Variants in SYNE2 observed in about 807,000 individuals in gnomAD.
The protein encoded by SYNE2 is spectrin repeat containing nuclear envelope protein 2, also known as nesprin-2.
In SYNE2, 431 loss-of-function variants were observed where a neutral mutation model predicts 856.3. The ratio of observed to expected loss-of-function variants is 0.50; its 90% CI spans 0.47 to 0.55. The LOEUF (loss-of-function observed/expected upper bound fraction) is 0.55. SYNE2 is among the 20% of genes least tolerant of loss of function. The pLI, the probability that SYNE2 is intolerant of heterozygous loss-of-function variation, is 0.00. For synonymous variants in SYNE2, 2,923 were observed against 2,872.3 expected, an observed-to-expected ratio of 1.02 and a Z score of -0.56; for missense variants, 8,129 against 8,023.2, an observed-to-expected ratio of 1.01 and a Z score of -0.50.
rs981474902 is a variant in SYNE2 at position 64,003,178 on chromosome 14, C to G, written c.4245C>G (p.Gly1415=). ...AFSIKLSETH[G]YGVQEEFTEE... Reference sequence around the variant, plus strand: ...CAATAAAGTTATCTGAGACACATGGCTATGGGGTACAGGAGGAATTCACTG... The same window carrying G: ...CAATAAAGTTATCTGAGACACATGGGTATGGGGTACAGGAGGAATTCACTG... Residue 1415 remains glycine (G), a synonymous_variant, in exon 30 of 116, where the codon GGC becomes GGG. Coordinates refer to ENST00000555002, the MANE Select transcript of SYNE2 (RefSeq NM_182914.3). 1 of 1,614,086 alleles carries G rather than the reference C, an allele frequency of 6.2e-7. No individual in the cohort carries two copies. Among genetic ancestry groups the G allele is most frequent in the Middle Eastern group, 1.6e-4 (1 of 6,062 alleles).
intron 65 of SYNE2, among the ~76,000 whole-genome samples, chr14:64,108,356 T>C (rs2097784476): frequency 6.6e-6 from 1 of 151,242 alleles, no homozygotes; most frequent in African/African-American, 2.4e-5. Context: ...ACTCTGTCTT[T>C]TAAAAAAATG....
At chr14:63,838,963 G>C (rs1193427820) in intron 1 of SYNE2, among the ~76,000 whole-genome samples, 1 of 152,040 alleles carries the variant, frequency 6.6e-6, no homozygotes, top group African/African-American at 2.4e-5. Context: ...TCCACTTATG[G>C]TTCCAGTAGA....
intron 114 of SYNE2, 67 bp from the exon 115 acceptor site, chr14:64,224,932 T>C: frequency 6.7e-7 from 1 of 1,502,880 alleles, no homozygotes; most frequent in Non-Finnish European, 9.2e-7. Flanking sequence ...GAGGATTTTT[T>C]TTTTTTTTAT....
intron 1 of SYNE2, among the ~76,000 whole-genome samples, chr14:63,897,789 TC>T (rs929435503): frequency 6.6e-6 from 1 of 152,080 alleles, no homozygotes; most frequent in Non-Finnish European, 1.5e-5. Context: ...CCACCCATGC[TC>T]CCCCTGCTCC....
chr14:63,853,353 A>G (rs949827458), intron 1 of SYNE2, among the ~76,000 whole-genome samples: 1 of 151,732 alleles, frequency 6.6e-6, no homozygotes, highest in Non-Finnish European at 1.5e-5. Flanking sequence ...AGGGCGCCGT[A>G]AACTTGTCAG....
At chr14:64,158,866 G>A in intron 86 of SYNE2, 71 bp downstream of exon 86, 1 of 1,517,750 alleles carries the variant, frequency 6.6e-7, no homozygotes, top group Non-Finnish European at 9.1e-7. Flanking sequence ...CACAGTAACG[G>A]GCATAACTGT....
Position 63,990,361 on chromosome 14 carries a change from G to A in SYNE2, c.2314-50G>A, listed in dbSNP as rs1255907. 0.46 allele frequency: 714,400 copies of A among 1,558,042 alleles called. 166,546 individuals carry two copies. Among genetic ancestry groups the A allele is most frequent in the African/African-American group, 0.71 (51,962 of 73,684 alleles). Reference sequence around the variant, plus strand: ...CTGAGATTGTTTTGATTAATGTTTAGCATATAATCAGAATGTTTATTGTGA... The same window carrying A: ...CTGAGATTGTTTTGATTAATGTTTAACATATAATCAGAATGTTTATTGTGA... On this transcript the variant is annotated intron_variant, in intron 19 of 115. Transcript: ENST00000555002.
At chr14:64,093,545 C>T (rs1370373406) in intron 61 of SYNE2, 65 bp downstream of exon 61, 1 of 1,595,772 alleles carries the variant, frequency 6.3e-7, no homozygotes, top group East Asian at 2.2e-5. Context: ...TTAATACTTA[C>T]TAAGCCTTTG....
chr14:63,814,808 CCATATAT>C (rs1888821982), intron 1 of SYNE2, among the ~76,000 whole-genome samples: 2 of 61,912 alleles, frequency 3.2e-5, no homozygotes, highest in Non-Finnish European at 6.8e-5. Flanking sequence ...CCATATATAT[CCATATAT>C]ATATCCATAT....
intron 78 of SYNE2, 102 bp downstream of exon 78, chr14:64,134,302 C>A: frequency 8.2e-7 from 1 of 1,217,110 alleles, no homozygotes. Context: ...TGAATTGAAA[C>A]AAAATGTTCA....
chr14:64,147,522 G>A (rs2098197953), intron 84 of SYNE2, among the ~76,000 whole-genome samples: 1 of 152,134 alleles, frequency 6.6e-6, no homozygotes, highest in Non-Finnish European at 1.5e-5. Flanking sequence ...TTCTCTTTTT[G>A]ATAGATAATG....
intron 1 of SYNE2, among the ~76,000 whole-genome samples, chr14:63,799,753 G>C (rs146360482): frequency 1.3e-5 from 2 of 152,068 alleles, no homozygotes; most frequent in Admixed American, 1.3e-4. Context: ...AAAATGTTTC[G>C]TTTATTTGGT....
At chr14:63,921,627 A>G (rs2095602051) in intron 2 of SYNE2, among the ~76,000 whole-genome samples, 2 of 152,322 alleles carry the variant, frequency 1.3e-5, no homozygotes, top group Admixed American at 6.5e-5. Context: ...AGAAGTATCC[A>G]TTAGGTTCAA....
intron 84 of SYNE2, among the ~76,000 whole-genome samples, chr14:64,146,442 A>C (rs1415645122): frequency 6.6e-6 from 1 of 152,224 alleles, no homozygotes; most frequent in African/African-American, 2.4e-5. Flanking sequence ...TCACCGTTAC[A>C]GTATTGCTGC....
intron 78 of SYNE2, 88 bp downstream of exon 78, chr14:64,134,288 G>C: frequency 7.2e-7 from 1 of 1,385,940 alleles, no homozygotes; most frequent in Non-Finnish European, 1.0e-6. Flanking sequence ...TGATTTGGAA[G>C]GTTTGAATTG....
intron 1 of SYNE2, among the ~76,000 whole-genome samples, chr14:63,762,744 T>G (rs1348937926): frequency 1.3e-5 from 2 of 151,836 alleles, no homozygotes; most frequent in Non-Finnish European, 2.9e-5. Context: ...CAGGAGAATG[T>G]TCTTGTTCTT....
Position 64,048,120 on chromosome 14 carries a change from A to G in SYNE2, c.7342A>G (p.Thr2448Ala). ...ELQNQPLELDTMLRNEQLEEI... is the reference protein window; with the variant it reads ...ELQNQPLELDAMLRNEQLEEI... Reference sequence around the variant, plus strand: ...GCAAAATCAACCTTTAGAATTAGATACTATGTTAAGAAATGAACAATTAGA... The same window carrying G: ...GCAAAATCAACCTTTAGAATTAGATGCTATGTTAAGAAATGAACAATTAGA... Residue 2448 changes from threonine (T) to alanine (A), a missense_variant, in exon 46 of 116, where the codon ACT (threonine) becomes GCT (alanine). By Grantham distance (58) the Thr-to-Ala change is moderately conservative. This residue lies in a region of SYNE2 where 5,410 missense variants were observed against 5,284.8 expected (regional missense o/e 1.02). Transcript: ENST00000555002. 2 of 1,613,600 alleles carry G rather than the reference A, an allele frequency of 1.2e-6. No homozygotes were observed. The highest frequency in any genetic ancestry group is 1.7e-6 in the Non-Finnish European group (2 of 1,179,696).
intron 88 of SYNE2, 128 bp downstream of exon 88, chr14:64,162,404 C>T: frequency 1.0e-6 from 1 of 993,342 alleles, no homozygotes; most frequent in Non-Finnish European, 1.5e-6. Context: ...TGTGAACTTG[C>T]CATGTAGGAC....
chr14:63,992,362 C>A (rs556145913), intron 21 of SYNE2, among the ~76,000 whole-genome samples: 19 of 152,182 alleles, frequency 1.2e-4, no homozygotes, highest in Middle Eastern at 3.4e-3. Flanking sequence ...CTGCAGCCTC[C>A]AACTCCTGGG....
Sources: gnomAD v4.1 joint callset for allele counts (sites outside exome capture counted in the v4.1 genomes callset) on GRCh38, gnomAD v4.1.1 for gene constraint, gnomAD v4.1.1 regional missense constraint, MANE v1.5 for transcripts, NCBI Gene and HGNC (gene_info 2026-07-23, HGNC 2026-07-21) for gene names.